The following FNBP1 variants were observed in gnomAD, a reference collection of about 807,000 sequenced individuals.
The protein encoded by FNBP1 is formin-binding protein 1.
A neutral mutation model predicts 90.6 loss-of-function variants in FNBP1; 26 were observed. The observed-to-expected ratio is 0.29, with a 90% CI of 0.21 to 0.40. The LOEUF is 0.40. Among genes scored for constraint, FNBP1 ranks in the 10% least tolerant of loss-of-function variants. FNBP1 has a pLI of 1.00. For synonymous variants in FNBP1, 260 were observed against 265.2 expected (o/e 0.98, Z 0.19); for missense variants, 635 against 768.0 (o/e 0.83, Z 2.05).
At chr9:129,903,243 G>A (rs2037305296) in intron 12 of FNBP1, among the ~76,000 whole-genome samples, 1 of 152,042 alleles carries the variant, frequency 6.6e-6, no homozygotes, top group African/African-American at 2.4e-5. Flanking sequence ...GTAGAGATGG[G>A]GTTTTGCCAC....
At chr9:130,025,789 T>C (rs1003759997) in intron 1 of FNBP1, among the ~76,000 whole-genome samples, 2 of 152,146 alleles carry the variant, frequency 1.3e-5, no homozygotes, top group Admixed American at 6.6e-5. Context: ...CCGGGCGTGG[T>C]GGCACATGCC....
At chr9:129,935,372 C>T (rs1393174378) in intron 6 of FNBP1, among the ~76,000 whole-genome samples, 2 of 152,140 alleles carry the variant, frequency 1.3e-5, no homozygotes, top group Non-Finnish European at 2.9e-5. Context: ...TCTCAATTGT[C>T]ATAAGCAGAG....
chr9:130,013,916 T>C (rs1298939074), intron 1 of FNBP1: 1 of 444,936 alleles, frequency 2.2e-6, no homozygotes, highest in East Asian at 7.0e-5. Flanking sequence ...CACCATATTC[T>C]TGGACTTTCC....
At chr9:129,936,843 T>C (rs773536036) in intron 6 of FNBP1, among the ~76,000 whole-genome samples, 42 of 152,198 alleles carry the variant, frequency 2.8e-4, no homozygotes, top group Non-Finnish European at 4.9e-4. Context: ...GAAAATCCTA[T>C]TCGTATTTCT....
At chr9:129,979,152 A>G (rs1159203735) in intron 3 of FNBP1, among the ~76,000 whole-genome samples, 166 bp downstream of exon 3, 1 of 152,238 alleles carries the variant, frequency 6.6e-6, no homozygotes, top group Non-Finnish European at 1.5e-5. Context: ...GTGACTCCAT[A>G]TAAGAAAAGT....
intron 1 of FNBP1, among the ~76,000 whole-genome samples, chr9:130,035,975 C>T (rs767633102): frequency 2.6e-5 from 4 of 151,934 alleles, no homozygotes; most frequent in Non-Finnish European, 4.4e-5. Context: ...AACTTACATA[C>T]CCCCAAATTA....
intron 16 of FNBP1, among the ~76,000 whole-genome samples, chr9:129,893,432 G>A (rs1232509763): frequency 7.5e-6 from 1 of 133,902 alleles, no homozygotes; most frequent in East Asian, 2.1e-4. Flanking sequence ...GTGAAAACCT[G>A]TCTTTACTAA....
chr9:129,931,430 C>T (rs186649996), intron 6 of FNBP1, among the ~76,000 whole-genome samples: 62 of 151,648 alleles, frequency 4.1e-4, no homozygotes, highest in African/African-American at 1.4e-3. Flanking sequence ...GGTGAAACCC[C>T]GTCTCTACTA....
intron 2 of FNBP1, among the ~76,000 whole-genome samples, chr9:129,993,818 T>C (rs1004502081): frequency 6.7e-6 from 1 of 149,786 alleles, no homozygotes. Context: ...AGAGGCGGGG[T>C]TTCACCATGT....
At chr9:129,918,998 CTTTT>C (rs5900875) in intron 10 of FNBP1, 5 of 153,342 alleles carry the variant, frequency 3.3e-5, no homozygotes, top group East Asian at 3.4e-4. Flanking sequence ...TTAGGCTTTT[CTTTT>C]TTTTTTTTTT....
chr9:130,009,978 CA>C (rs68122821), intron 1 of FNBP1, among the ~76,000 whole-genome samples: 10,712 of 69,940 alleles, frequency 0.15, 391 homozygotes, highest in Middle Eastern at 0.27. Context: ...GACCCAGTCT[CA>C]AAAAAAAAAA....
intron 1 of FNBP1, chr9:130,013,630 G>A (rs895146649): frequency 1.6e-5 from 7 of 447,808 alleles, no homozygotes. Flanking sequence ...TGTGCACCAA[G>A]AGACATGCAT....
At chr9:130,006,732 G>A (rs2055762376) in intron 1 of FNBP1, among the ~76,000 whole-genome samples, 1 of 152,164 alleles carries the variant, frequency 6.6e-6, no homozygotes, top group South Asian at 2.1e-4. Flanking sequence ...TTAGTCATAA[G>A]TCTGTTTCTG....
intron 2 of FNBP1, among the ~76,000 whole-genome samples, chr9:129,991,165 C>A (rs1344186498): frequency 6.6e-6 from 1 of 151,822 alleles, no homozygotes; most frequent in Non-Finnish European, 1.5e-5. Flanking sequence ...GAACTCTTGA[C>A]CTCCAGTGAT....
chr9:130,025,881 G>A (rs1483596329), intron 1 of FNBP1, among the ~76,000 whole-genome samples: 1 of 151,980 alleles, frequency 6.6e-6, no homozygotes, highest in East Asian at 1.9e-4. Flanking sequence ...CCAAGACCGT[G>A]CCACTGCACT....
intron 1 of FNBP1, among the ~76,000 whole-genome samples, chr9:130,016,493 C>A (rs2057252830): frequency 6.6e-6 from 1 of 152,138 alleles, no homozygotes; most frequent in Non-Finnish European, 1.5e-5. Context: ...CCTGTAATCC[C>A]AGCACTTTGG....
intron 1 of FNBP1, among the ~76,000 whole-genome samples, chr9:130,009,667 T>G (rs1463982712): frequency 6.6e-6 from 1 of 152,108 alleles, no homozygotes; most frequent in East Asian, 1.9e-4. Context: ...CTGGGTGTGG[T>G]GGCATGGGCC....
In FNBP1 at chr9:129,957,531, G is replaced by A; in HGVS notation, c.409-67C>T. On this transcript the variant is annotated intron_variant, in intron 5 of 16. Transcript: ENST00000446176. The surrounding 1 kb of genome is among the most constrained non-coding windows in gnomAD (Gnocchi z 4.3). ...ACGAGAAGATGTAATTTTATCTAAA[G>A]CTCCCAAAGAGCATTGTTCTTTTTC... is the stretch of plus-strand genomic sequence containing the variant. 8.4e-7 allele frequency: 1 copy of A among 1,197,220 alleles called. No individual in the cohort carries two copies. Among genetic ancestry groups the A allele is most frequent in the Non-Finnish European group, 1.2e-6 (1 of 826,796 alleles). The allele number at this position is 1,197,220 out of a possible 1,614,324, so 74.2% of individuals were successfully genotyped here. A position where few individuals can be genotyped will look rare whatever the true frequency, so the allele number is the denominator to read the frequency against.
Position 129,908,991 on chromosome 9 carries a change from T to C in FNBP1, c.1194A>G (p.Thr398=), listed in dbSNP as rs374120316. ...GTGGGAGGTTGCTGAAATCCTCCGG[T>C]GTTGCACCCTGCAGACACAAATATA... ...KRGLSLKLGA[T]PEDFSNLPPE... is the part of the protein sequence containing the mutation. Residue 398 remains threonine, a synonymous_variant, in exon 12 of 17, where the codon ACA becomes ACG. Coordinates refer to ENST00000446176, the MANE Select transcript of FNBP1 (RefSeq NM_015033.3). 2.6e-4 allele frequency: 413 copies of C among 1,609,706 alleles called. No individual in the cohort carries two copies. Among genetic ancestry groups the C allele is most frequent in the Non-Finnish European group, 3.3e-4 (387 of 1,176,322 alleles).
Sources: gnomAD v4.1 joint callset for allele counts (sites outside exome capture counted in the v4.1 genomes callset) on GRCh38, gnomAD v4.1.1 for gene constraint, Gnocchi (gnomAD v3.1) non-coding constraint, MANE v1.5 for transcripts, NCBI Gene and HGNC (gene_info 2026-07-23, HGNC 2026-07-21) for gene names.